Variants in TCTN2 observed in about 807,000 individuals in gnomAD.
The protein encoded by TCTN2 is tectonic-2.
In TCTN2, 66 loss-of-function variants were observed where a neutral mutation model predicts 83.4. The ratio of observed to expected loss-of-function variants is 0.79; its 90% CI spans 0.65 to 0.97. The LOEUF (loss-of-function observed/expected upper bound fraction) is 0.97. Among genes scored for constraint, TCTN2 ranks in the 50% least tolerant of loss-of-function variants. The probability of loss-of-function intolerance (pLI) is 0.00; values close to 1 mark genes in which losing one functional copy is unlikely to be tolerated. For synonymous variants in TCTN2, 301 were observed against 326.7 expected (o/e 0.92, Z 0.85); for missense variants, 794 against 858.1 (o/e 0.93, Z 0.93).
At chr12:123,680,457 C>T (rs1955884405) in intron 5 of TCTN2, among the ~76,000 whole-genome samples, 1 of 138,978 alleles carries the variant, frequency 7.2e-6, no homozygotes, top group South Asian at 2.3e-4. Context: ...CCCGGCCTGA[C>T]TTTTTTTCTT....
intron 9 of TCTN2, among the ~76,000 whole-genome samples, chr12:123,694,509 G>C (rs1379345164): frequency 6.6e-6 from 1 of 152,212 alleles, no homozygotes; most frequent in East Asian, 1.9e-4. Context: ...CTGCCCTGGC[G>C]GAACTGACCC....
At chr12:123,672,919 G>A (rs1385682494) in intron 3 of TCTN2, among the ~76,000 whole-genome samples, 6 of 152,082 alleles carry the variant, frequency 3.9e-5, no homozygotes, top group South Asian at 2.1e-4. Context: ...GCGTGATGGC[G>A]GGTGCCTGTA....
In TCTN2 at chr12:123,704,582, G is replaced by A. The variant is rs776273224; in HGVS notation, c.1663G>A (p.Gly555Ser). 6 of 1,613,222 alleles carry A rather than the reference G, an allele frequency of 3.7e-6. No homozygotes were observed. The highest frequency in any genetic ancestry group is 2.7e-5 in the African/African-American group (2 of 74,664). The stretch of plus-strand genomic sequence containing the variant: ...AGACCCGCTGGCTAGCAGTGTGAAC[G>A]GCATGTGCCTGGATATTCCTGCTCA... ...GADPLASSVNGMCLDIPAHLS... is the reference protein window; with the variant it reads ...GADPLASSVNSMCLDIPAHLS... The change falls in exon 15 of 18, where the codon GGC (glycine) becomes AGC (serine). Residue 555 changes from glycine to serine, a missense_variant. Gly to Ser is a moderately conservative substitution (Grantham distance 56). Transcript: ENST00000303372.
chr12:123,687,935 G>C lies in TCTN2; in HGVS notation c.765-116G>C, dbSNP rs1290477584. On this transcript the variant is annotated intron_variant, in intron 6 of 17. Coordinates refer to ENST00000303372, the MANE Select transcript of TCTN2 (RefSeq NM_024809.5). The stretch of plus-strand genomic sequence containing the variant: ...ACAAAGATCACGCCACTGCACTCCA[G>C]CCTGGGTGACAGAGTGAGACTCCAT... 4.2e-6 allele frequency: 6 copies of C among 1,436,770 alleles called. No individual in the cohort carries two copies. In the East Asian group the frequency reaches 1.2e-4, roughly 28 times the overall value. 89.0% of individuals were successfully genotyped at this position (1,436,770 alleles called of 1,614,324 possible). A position where few individuals can be genotyped will look rare whatever the true frequency, so the allele number is the denominator to read the frequency against.
At chr12:123,689,101 A>G (rs962953190) in intron 7 of TCTN2, among the ~76,000 whole-genome samples, 1 of 150,758 alleles carries the variant, frequency 6.6e-6, no homozygotes. Context: ...TTGCTCTGTC[A>G]CCTAGGGTGG....
intron 13 of TCTN2, among the ~76,000 whole-genome samples, chr12:123,697,841 G>C (rs984817799): frequency 4.6e-5 from 7 of 151,458 alleles, no homozygotes; most frequent in African/African-American, 1.7e-4. Flanking sequence ...CCAGAGCAAA[G>C]TGTAACTGGG....
Position 123,699,792 on chromosome 12 carries a change from G to A in TCTN2, c.1594G>A (p.Gly532Ser), listed in dbSNP as rs1312708723. ...GNSDYADLSDGWLEIIRVDAP... is the reference protein window; with the variant it reads ...GNSDYADLSDSWLEIIRVDAP... ...CTCCGATTACGCTGATCTTAGTGAT[G>A]GCTGGCTCGAAATAATACGTAAGTC... Residue 532 changes from glycine (G) to serine (S), a missense_variant, in exon 14 of 18, where the codon GGC becomes AGC. Coordinates refer to ENST00000303372, the MANE Select transcript of TCTN2 (RefSeq NM_024809.5). 5 of 1,614,044 alleles carry A rather than the reference G, an allele frequency of 3.1e-6. No individual in the cohort carries two copies. The highest frequency in any genetic ancestry group is 4.2e-6 in the Non-Finnish European group (5 of 1,179,956).
Position 123,671,335 on chromosome 12 carries a change from C to T in TCTN2, c.82+13C>T, listed in dbSNP as rs765995973. 1.9e-6 allele frequency: 3 copies of T among 1,613,180 alleles called. No individual in the cohort carries two copies. The highest frequency in any genetic ancestry group is 2.5e-6 in the Non-Finnish European group (3 of 1,179,606). ...TGGGGGGACCTGGGTGTGTACGGCG[C>T]GGCAGTGACCTCGGTGGGCCGGGGC... On this transcript the variant is annotated intron_variant, in intron 1 of 17. Coordinates refer to ENST00000303372, the MANE Select transcript of TCTN2 (RefSeq NM_024809.5).
Position 123,685,123 on chromosome 12 carries a change from CCTT to C in TCTN2, c.565-1710_565-1708del, listed in dbSNP as rs571308803. 7.2e-5 allele frequency among the ~76,000 whole-genome samples: 11 copies of C among 152,062 alleles called. No individual in the cohort carries two copies. The South Asian group carries it at 1.9e-3, about 26-fold the overall frequency. On this transcript the variant is annotated intron_variant, in intron 5 of 17. Coordinates refer to ENST00000303372, the MANE Select transcript of TCTN2 (RefSeq NM_024809.5). ...TCATTAGAATTGTCAAATGGCCCCTCCTTCTCTTCCTTCCAGGCCACGCTGTGT... is the reference window on the plus strand; with the variant it reads ...TCATTAGAATTGTCAAATGGCCCCTCCTCTTCCTTCCAGGCCACGCTGTGT...
intron 5 of TCTN2, among the ~76,000 whole-genome samples, chr12:123,683,769 G>T (rs999874787): frequency 1.3e-5 from 2 of 152,100 alleles, no homozygotes; most frequent in Non-Finnish European, 2.9e-5. Context: ...CTCCCAAGTA[G>T]TTGGGATTAC....
At chr12:123,674,803 A>G (rs984601706) in intron 4 of TCTN2, among the ~76,000 whole-genome samples, 2 of 152,148 alleles carry the variant, frequency 1.3e-5, no homozygotes, top group Non-Finnish European at 2.9e-5. Context: ...AGGTGGGAGG[A>G]TCGCTTGAGC....
At chr12:123,696,386 G>GCT in intron 11 of TCTN2, 29 bp from the exon 12 acceptor site, 1 of 1,586,758 alleles carries the variant, frequency 6.3e-7, no homozygotes, top group Non-Finnish European at 8.7e-7. Context: ...GAGGAAACAG[G>GCT]CTCACGTTCC....
chr12:123,671,613 G>C lies in TCTN2; in HGVS notation c.189G>C (p.Ala63=). ...TVSLAVLQDE[A]GILPIPTCGV... ...CCCTGGCAGTGCTGCAGGACGAGGC[G>C]GGTAAAGTCCGGCCCTCTTTTGGGG... The change falls in exon 2 of 18, where the codon GCG becomes GCC. Residue 63 remains alanine, a splice_region_variant and synonymous_variant. Coordinates refer to ENST00000303372, the MANE Select transcript of TCTN2 (RefSeq NM_024809.5). The C allele has an allele frequency of 6.2e-7, 1 of 1,611,484 alleles. No homozygotes were observed. Among genetic ancestry groups the C allele is most frequent in the Non-Finnish European group, 8.5e-7 (1 of 1,179,736 alleles).
chr12:123,671,797 C>T (rs1364400479), intron 2 of TCTN2, among the ~76,000 whole-genome samples, 183 bp downstream of exon 2: 3 of 152,208 alleles, frequency 2.0e-5, no homozygotes, highest in African/African-American at 4.8e-5. Flanking sequence ...CGAAGAAAGC[C>T]TGAAATAATA....
chr12:123,688,591 A>G (rs890351191), intron 7 of TCTN2, among the ~76,000 whole-genome samples: 2 of 152,062 alleles, frequency 1.3e-5, no homozygotes, highest in Non-Finnish European at 2.9e-5. Flanking sequence ...TTTTTAAGTT[A>G]CTTACTTTCC....
At chr12:123,689,421 C>T (rs1593850650) in intron 7 of TCTN2, among the ~76,000 whole-genome samples, 2 of 152,262 alleles carry the variant, frequency 1.3e-5, no homozygotes, top group East Asian at 1.9e-4. Flanking sequence ...CTCCTGGCCT[C>T]GAAATTCTTC....
intron 5 of TCTN2, among the ~76,000 whole-genome samples, chr12:123,680,304 A>G (rs112312210): frequency 6.8e-6 from 1 of 148,142 alleles, no homozygotes; most frequent in Non-Finnish European, 1.5e-5. Context: ...GTGAGCCAGA[A>G]TTGTGCCACT....
chr12:123,673,942 G>A, intron 4 of TCTN2, 132 bp downstream of exon 4: 1 of 846,150 alleles, frequency 1.2e-6, no homozygotes, highest in Non-Finnish European at 2.0e-6. Flanking sequence ...TGCTACAAAT[G>A]AGCTGTGATC....
At chr12:123,678,473 A>T (rs1190682610) in intron 4 of TCTN2, among the ~76,000 whole-genome samples, 1 of 152,056 alleles carries the variant, frequency 6.6e-6, no homozygotes, top group Non-Finnish European at 1.5e-5. Flanking sequence ...TTTTTATTAG[A>T]GACAGGGTTT....
Sources: allele counts gnomAD v4.1 joint callset (sites outside exome capture counted in the v4.1 genomes callset), GRCh38; gene constraint gnomAD v4.1.1; transcripts MANE v1.5; gene names NCBI Gene and HGNC (gene_info 2026-07-23, HGNC 2026-07-21).